The following SCGB2B2 variants were observed in gnomAD, a reference collection of about 807,000 sequenced individuals.
SCGB2B2 encodes secretoglobin family 2B member 2.
In SCGB2B2, 11 loss-of-function variants were observed where a neutral mutation model predicts 7.6. The ratio of observed to expected loss-of-function variants is 1.45; its 90% CI spans 0.91 to 2.40. The LOEUF (loss-of-function observed/expected upper bound fraction) is 2.40, where lower values mean the gene tolerates loss of function less well. Ranked by LOEUF, SCGB2B2 falls within the 30% of genes most tolerant of loss-of-function variation. The pLI, the probability that SCGB2B2 is intolerant of heterozygous loss-of-function variation, is 0.00. For missense variants in SCGB2B2, 104 were observed against 115.4 expected, an observed-to-expected ratio of 0.90 and a Z score of 0.45; for synonymous variants, 50 against 48.6, an observed-to-expected ratio of 1.03 and a Z score of -0.12.
chr19:34,670,821 CTCA>C (rs539060993), intron 1 of SCGB2B2, among the ~76,000 whole-genome samples: 92 of 152,304 alleles, frequency 6.0e-4, no homozygotes, highest in Non-Finnish European at 1.0e-3. Flanking sequence ...TAAAAATTCT[CTCA>C]TGTTACTTAA....
chr19:34,602,008 C>T (rs921996124), intron 1 of SCGB2B2, among the ~76,000 whole-genome samples: 1 of 151,972 alleles, frequency 6.6e-6, no homozygotes, highest in African/African-American at 2.4e-5. Context: ...TTCTGGATAC[C>T]CTTCATCCAG....
At chr19:34,604,315 C>T (rs1408768245) in intron 1 of SCGB2B2, among the ~76,000 whole-genome samples, 3 of 152,146 alleles carry the variant, frequency 2.0e-5, no homozygotes, top group Admixed American at 2.0e-4. Context: ...TCTTTCCTTC[C>T]CACATCCCTG....
chr19:34,613,651 G>A (rs1034841857), intron 1 of SCGB2B2, among the ~76,000 whole-genome samples: 5 of 152,014 alleles, frequency 3.3e-5, no homozygotes, highest in African/African-American at 1.2e-4. Context: ...ATTGCACTTT[G>A]GTGGATTTCT....
chr19:34,611,402 T>C (rs182054931), intron 1 of SCGB2B2, among the ~76,000 whole-genome samples: 17 of 149,130 alleles, frequency 1.1e-4, no homozygotes, highest in African/African-American at 3.6e-4. Context: ...TTGAAATTCA[T>C]TGTTAAGTTT....
At chr19:34,625,573 G>C (rs2145917778) in intron 1 of SCGB2B2, among the ~76,000 whole-genome samples, 1 of 152,314 alleles carries the variant, frequency 6.6e-6, no homozygotes, top group Admixed American at 6.5e-5. Flanking sequence ...GGCTGGGGGA[G>C]GGGCGCCTGC....
At chr19:34,651,804 A>G (rs750991364) in intron 1 of SCGB2B2, among the ~76,000 whole-genome samples, 1 of 151,390 alleles carries the variant, frequency 6.6e-6, no homozygotes, top group African/African-American at 2.5e-5. Flanking sequence ...AAACTACAAA[A>G]GACTCTGAGT....
intron 1 of SCGB2B2, among the ~76,000 whole-genome samples, chr19:34,668,637 T>G (rs1184981030): frequency 6.6e-6 from 1 of 152,196 alleles, no homozygotes; most frequent in African/African-American, 2.4e-5. Context: ...GGAGAACCTT[T>G]ATGTCTAGCT....
At chr19:34,663,067 G>A (rs549537821) in intron 1 of SCGB2B2, among the ~76,000 whole-genome samples, 45 of 152,326 alleles carry the variant, frequency 3.0e-4, no homozygotes, top group African/African-American at 1.1e-3. Flanking sequence ...AATGCAAATG[G>A]AAACCCAATG....
Position 34,629,845 on chromosome 19 carries a change from G to A in SCGB2B2, c.-2031-33251C>T, listed in dbSNP as rs139767613. Among the ~76,000 whole-genome samples, 91 of 152,010 alleles carry A rather than the reference G, an allele frequency of 6.0e-4. 2 individuals are homozygous for A. The East Asian group carries it at 6.9e-3, about 12-fold the overall frequency. On this transcript the variant is annotated intron_variant, in intron 1 of 3. Coordinates refer to ENST00000601241, the MANE Select transcript of SCGB2B2 (RefSeq NM_001025591.4). ...AAAAGAACAAAGCTGGAGGCATCAC[G>A]CTACCTGACTTCAAACTATACTACA... is the stretch of plus-strand genomic sequence containing the variant.
At chr19:34,639,534 A>G (rs2066783265) in intron 1 of SCGB2B2, among the ~76,000 whole-genome samples, 1 of 152,206 alleles carries the variant, frequency 6.6e-6, no homozygotes, top group Non-Finnish European at 1.5e-5. Flanking sequence ...TGTCACCAGA[A>G]CAAATCCAGT....
chr19:34,661,082 C>T (rs531254446), intron 1 of SCGB2B2, among the ~76,000 whole-genome samples: 1 of 138,092 alleles, frequency 7.2e-6, no homozygotes, highest in Non-Finnish European at 1.5e-5. Context: ...AATGAGAACA[C>T]ATGGACACAG....
At chr19:34,645,935 A>G in intron 1 of SCGB2B2, 1 of 278,424 alleles carries the variant, frequency 3.6e-6, no homozygotes, top group South Asian at 3.7e-5. Flanking sequence ...TTGCTTTTGC[A>G]TACCCAGAGG....
chr19:34,603,816 A>AGAT (rs2065701374), intron 1 of SCGB2B2, among the ~76,000 whole-genome samples: 2 of 52,236 alleles, frequency 3.8e-5, no homozygotes, highest in South Asian at 1.1e-3. Flanking sequence ...TTTTTTTAAC[A>AGAT]GATAACGTCT....
In SCGB2B2 at chr19:34,591,238, C is replaced by T. The variant is rs2065289769; in HGVS notation, c.*2317G>A. 6.6e-6 allele frequency among the ~76,000 whole-genome samples: 1 copy of T among 152,216 alleles called. No individual in the cohort carries two copies. Among genetic ancestry groups the T allele is most frequent in the African/African-American group, 2.4e-5 (1 of 41,448 alleles). On this transcript the variant is annotated 3_prime_UTR_variant, in exon 4 of 4. Transcript: ENST00000601241. ...ACTCTGGATCTTTGCCCTAAACCTG[C>T]TCCTCCCCAGGCTTCACCTTCTCAG...
At chr19:34,662,256 C>A (rs936286906) in intron 1 of SCGB2B2, among the ~76,000 whole-genome samples, 2 of 152,084 alleles carry the variant, frequency 1.3e-5, no homozygotes, top group African/African-American at 4.8e-5. Flanking sequence ...AAAGATTACA[C>A]AACCCTGTCC....
At chr19:34,673,803 C>T (rs558167381) in intron 1 of SCGB2B2, among the ~76,000 whole-genome samples, 2 of 152,216 alleles carry the variant, frequency 1.3e-5, no homozygotes, top group African/African-American at 2.4e-5. Flanking sequence ...AGGCTGTTTC[C>T]TCAACTATAA....
intron 1 of SCGB2B2, among the ~76,000 whole-genome samples, chr19:34,596,918 C>T (rs889281059): frequency 2.6e-5 from 4 of 151,978 alleles, no homozygotes; most frequent in Non-Finnish European, 4.4e-5. Flanking sequence ...TCAACCCCCA[C>T]AGCTGCAAGT....
At chr19:34,610,473 G>A (rs1600045100) in intron 1 of SCGB2B2, among the ~76,000 whole-genome samples, 1 of 151,980 alleles carries the variant, frequency 6.6e-6, no homozygotes, top group Non-Finnish European at 1.5e-5. Context: ...ATTATGTTGG[G>A]GTACATTCTT....
At chr19:34,619,227 G>T (rs2066173855) in intron 1 of SCGB2B2, among the ~76,000 whole-genome samples, 1 of 152,106 alleles carries the variant, frequency 6.6e-6, no homozygotes, top group Non-Finnish European at 1.5e-5. Context: ...GGAGATCCAA[G>T]ACAGAATTTC....
Sources: gnomAD v4.1 joint callset for allele counts (sites outside exome capture counted in the v4.1 genomes callset) on GRCh38, gnomAD v4.1.1 for gene constraint, MANE v1.5 for transcripts, NCBI Gene and HGNC (gene_info 2026-07-23, HGNC 2026-07-21) for gene names.